Variants in NEK11 observed in about 807,000 individuals in gnomAD.
NEK11 encodes NIMA related kinase 11.
Under a neutral mutation model 80.7 loss-of-function variants are expected in NEK11, and 72 were observed. The ratio of observed to expected loss-of-function variants is 0.89; its 90% CI spans 0.74 to 1.08. The LOEUF (loss-of-function observed/expected upper bound fraction) is 1.08, where lower values mean the gene tolerates loss of function less well. NEK11 is among the 50% of genes least tolerant of loss of function. The pLI is 0.00. For missense variants in NEK11, 764 were observed against 763.6 expected (o/e 1.00, Z -0.01); for synonymous variants, 251 against 260.7 (o/e 0.96, Z 0.36).
intron 14 of NEK11, among the ~76,000 whole-genome samples, chr3:131,171,175 T>C (rs1379910729): frequency 2.6e-5 from 4 of 152,212 alleles, no homozygotes; most frequent in African/African-American, 4.8e-5. Context: ...GACTTTGGAA[T>C]TGTGCAAACT....
At chr3:131,124,242 A>G (rs1222950015) in intron 5 of NEK11, among the ~76,000 whole-genome samples, 1 of 152,198 alleles carries the variant, frequency 6.6e-6, no homozygotes, top group African/African-American at 2.4e-5. Context: ...GAAAAATTTC[A>G]AAAAACATGG....
At chr3:131,068,081 G>A (rs2072389005) in intron 3 of NEK11, among the ~76,000 whole-genome samples, 1 of 152,146 alleles carries the variant, frequency 6.6e-6, no homozygotes, top group Non-Finnish European at 1.5e-5. Context: ...GGGAAGGAGG[G>A]GTGAGTAGGT....
chr3:131,274,086 C>T (rs534359301), intron 17 of NEK11, among the ~76,000 whole-genome samples: 1 of 149,320 alleles, frequency 6.7e-6, no homozygotes, highest in African/African-American at 2.5e-5. Context: ...TTAGGTATAT[C>T]TCCCAATGCT....
intron 3 of NEK11, among the ~76,000 whole-genome samples, chr3:131,030,721 C>A (rs1477435586): frequency 6.6e-6 from 1 of 152,212 alleles, no homozygotes; most frequent in Non-Finnish European, 1.5e-5. Flanking sequence ...TAATGACCCC[C>A]TTGTCACCTC....
At chr3:131,044,526 G>A (rs2067081072) in intron 3 of NEK11, among the ~76,000 whole-genome samples, 1 of 151,224 alleles carries the variant, frequency 6.6e-6, no homozygotes, top group Non-Finnish European at 1.5e-5. Flanking sequence ...GAGACAAAGA[G>A]GGGCATTACA....
intron 17 of NEK11, among the ~76,000 whole-genome samples, chr3:131,317,040 C>G (rs1003241137): frequency 1.3e-5 from 2 of 152,314 alleles, no homozygotes; most frequent in Non-Finnish European, 2.9e-5. Flanking sequence ...TGGACTCAAA[C>G]TATTTTAATG....
At chr3:131,131,094 G>A (rs935195934) in intron 5 of NEK11, among the ~76,000 whole-genome samples, 5 of 152,148 alleles carry the variant, frequency 3.3e-5, no homozygotes, top group Admixed American at 1.3e-4. Flanking sequence ...GAGCTGCCAC[G>A]CCTGGCCTAC....
At chr3:131,275,603 C>A (rs981077869) in intron 17 of NEK11, among the ~76,000 whole-genome samples, 1 of 152,110 alleles carries the variant, frequency 6.6e-6, no homozygotes, top group Non-Finnish European at 1.5e-5. Context: ...ACCTGCCATC[C>A]TTTTATATTT....
intron 16 of NEK11, among the ~76,000 whole-genome samples, chr3:131,251,100 C>A (rs1300524578): frequency 6.6e-6 from 1 of 151,038 alleles, no homozygotes; most frequent in Non-Finnish European, 1.5e-5. Context: ...AATTAACATT[C>A]CCTATTTATA....
chr3:131,082,173 T>C (rs1256214743), intron 4 of NEK11, among the ~76,000 whole-genome samples: 1 of 152,192 alleles, frequency 6.6e-6, no homozygotes, highest in Non-Finnish European at 1.5e-5. Context: ...TGATGTCAGG[T>C]GTGATCAGTG....
At chr3:131,318,523 T>C (rs1445669345) in intron 17 of NEK11, among the ~76,000 whole-genome samples, 1 of 152,042 alleles carries the variant, frequency 6.6e-6, no homozygotes, top group Non-Finnish European at 1.5e-5. Context: ...AAGCTATAAA[T>C]AGCCTAAAAG....
In NEK11 at chr3:131,199,960, AG is replaced by A. The variant is rs145444642; in HGVS notation, c.1400-28564del. On this transcript the variant is annotated intron_variant, in intron 14 of 17. Transcript: ENST00000383366. ...GAGAAACAGTATTTCAGGAAATAAC[AG>A]GGGAAAATTTTCCAGAATTGATGGA... Among the ~76,000 whole-genome samples the A allele has an allele frequency of 4.7e-3, 712 of 152,308 alleles. 4 individuals are homozygous for A. Among genetic ancestry groups the A allele is most frequent in the African/African-American group, 0.016 (647 of 41,572 alleles).
intron 14 of NEK11, among the ~76,000 whole-genome samples, chr3:131,194,096 G>A (rs2093907814): frequency 6.6e-6 from 1 of 152,134 alleles, no homozygotes; most frequent in Admixed American, 6.6e-5. Context: ...ATGTTTTTCT[G>A]CCCCTAGTGG....
At chr3:131,152,849 G>GC in intron 9 of NEK11, 140 bp downstream of exon 9, 1 of 609,706 alleles carries the variant, frequency 1.6e-6, no homozygotes, top group Non-Finnish European at 2.9e-6. Flanking sequence ...AAGCTGAGAG[G>GC]CCGAGGCGGA....
At chr3:131,148,063 T>C (rs1262567120) in intron 7 of NEK11, among the ~76,000 whole-genome samples, 1 of 151,912 alleles carries the variant, frequency 6.6e-6, no homozygotes, top group Non-Finnish European at 1.5e-5. Context: ...AGTTTTCTTC[T>C]TTTTAAAAAT....
intron 5 of NEK11, among the ~76,000 whole-genome samples, chr3:131,124,097 C>T (rs1024185716): frequency 6.6e-6 from 1 of 152,158 alleles, no homozygotes; most frequent in Non-Finnish European, 1.5e-5. Flanking sequence ...CGCCTTCACA[C>T]AACAGTAACC....
chr3:131,272,375 C>T (rs926577376), intron 16 of NEK11, among the ~76,000 whole-genome samples: 2 of 150,702 alleles, frequency 1.3e-5, no homozygotes, highest in South Asian at 4.2e-4. Flanking sequence ...GCTCCCAGTT[C>T]CAGGGAGGAA....
chr3:131,163,707 A>G (rs2091907971), intron 11 of NEK11, among the ~76,000 whole-genome samples: 1 of 152,188 alleles, frequency 6.6e-6, no homozygotes, highest in Non-Finnish European at 1.5e-5. Context: ...ATTTTTGAAA[A>G]TTGCTAACAG....
intron 11 of NEK11, among the ~76,000 whole-genome samples, chr3:131,164,909 A>G (rs531250962): frequency 6.6e-6 from 1 of 152,200 alleles, no homozygotes; most frequent in Non-Finnish European, 1.5e-5. Context: ...AAGAACTCAA[A>G]TCTTTCTTCC....
Sources: gnomAD v4.1 joint callset for allele counts (sites outside exome capture counted in the v4.1 genomes callset) on GRCh38, gnomAD v4.1.1 for gene constraint, MANE v1.5 for transcripts, NCBI Gene and HGNC (gene_info 2026-07-23, HGNC 2026-07-21) for gene names.